COL23A1: variants seen among roughly 807,000 people sequenced by gnomAD.
COL23A1 encodes collagen alpha-1(XXIII) chain.
A neutral mutation model predicts 99.3 loss-of-function variants in COL23A1; 97 were observed. The observed-to-expected ratio is 0.98, with a 90% CI of 0.83 to 1.16. The LOEUF (loss-of-function observed/expected upper bound fraction) is 1.16. Among genes scored for constraint, COL23A1 ranks in the 50% most tolerant of loss-of-function variants. COL23A1 has a pLI of 0.00. For synonymous variants in COL23A1, 320 were observed against 308.2 expected, an observed-to-expected ratio of 1.04 and a Z score of -0.40; for missense variants, 762 against 757.4, an observed-to-expected ratio of 1.01 and a Z score of -0.07.
rs189911004 is a variant in COL23A1 at position 178,404,887 on chromosome 5, A to G, written c.362-97968T>C. On this transcript the variant is annotated intron_variant, in intron 2 of 28. Transcript: ENST00000390654. ...AGGAAGACAAACCTAGGACCAGCAC[A>G]CCAGGACAAGAATGAGCTCACTATG... 7.0e-3 allele frequency among the ~76,000 whole-genome samples: 1,060 copies of G among 152,304 alleles called. 7 individuals are homozygous for G. Among genetic ancestry groups the G allele is most frequent in the Non-Finnish European group, 0.011 (742 of 68,018 alleles).
rs1451059456 is a variant in COL23A1 at position 178,309,297 on chromosome 5, A to AG, written c.362-2379dup. On this transcript the variant is annotated intron_variant, in intron 2 of 28. Transcript: ENST00000390654. This position sits in a 1 kb window ranked among gnomAD's most constrained non-coding sequence, Gnocchi z 4.7. ...TGGCAGGGTGGGCAGCTGCCCAGGC[A>AG]GGGTAGGGTGCCTGCCTCCCAGGGT... 1.3e-5 allele frequency among the ~76,000 whole-genome samples: 2 copies of AG among 152,164 alleles called. No homozygotes were observed. Among genetic ancestry groups the AG allele is most frequent in the African/African-American group, 4.8e-5 (2 of 41,452 alleles).
chr5:178,244,826 T>C (rs890372264), intron 25 of COL23A1, among the ~76,000 whole-genome samples: 4 of 108,768 alleles, frequency 3.7e-5, no homozygotes, highest in Admixed American at 8.6e-5. Flanking sequence ...TCCCTTCCTC[T>C]TCTTCTCAAA....
chr5:178,491,594 G>A (rs1757937212), intron 2 of COL23A1, among the ~76,000 whole-genome samples: 1 of 152,094 alleles, frequency 6.6e-6, no homozygotes, highest in Non-Finnish European at 1.5e-5. Context: ...GTCATAACAG[G>A]GTGTGGCCTG....
In COL23A1 at chr5:178,381,386, A is replaced by G. The variant is rs1312722576; in HGVS notation, c.362-74467T>C. Among the ~76,000 whole-genome samples, 3 of 152,318 alleles carry G rather than the reference A, an allele frequency of 2.0e-5. 1 individual carries two copies. In the South Asian group the frequency reaches 6.2e-4, roughly 32 times the overall value. ...GGCCATGGGGATGGCGAGAAGGCTG[A>G]GAAGTGCCACTCAGAGCAGAAGGTG... On this transcript the variant is annotated intron_variant, in intron 2 of 28. Transcript: ENST00000390654.
chr5:178,387,125 G>A lies in COL23A1; in HGVS notation c.362-80206C>T, dbSNP rs1177267084. ...ACGGCAGCTTCTCATCACCCCGTCTGGAACCAACAACACCCTCTTTTCTCT... is the reference window on the plus strand; with the variant it reads ...ACGGCAGCTTCTCATCACCCCGTCTAGAACCAACAACACCCTCTTTTCTCT... On this transcript the variant is annotated intron_variant, in intron 2 of 28. Coordinates refer to ENST00000390654, the MANE Select transcript of COL23A1 (RefSeq NM_173465.4). This position sits in a 1 kb window ranked among gnomAD's most constrained non-coding sequence, Gnocchi z 4.7. Among the ~76,000 whole-genome samples the A allele has an allele frequency of 6.6e-6, 1 of 151,956 alleles. No individual in the cohort carries two copies. Among genetic ancestry groups the A allele is most frequent in the East Asian group, 1.9e-4 (1 of 5,176 alleles).
chr5:178,427,753 G>A (rs987332913), intron 2 of COL23A1, among the ~76,000 whole-genome samples: 1 of 152,346 alleles, frequency 6.6e-6, no homozygotes, highest in East Asian at 1.9e-4. Flanking sequence ...TTCTGGGAAA[G>A]GCAAAACTAT....
chr5:178,552,769 A>G (rs1300295473), intron 2 of COL23A1, among the ~76,000 whole-genome samples: 1 of 150,480 alleles, frequency 6.6e-6, no homozygotes, highest in Non-Finnish European at 1.5e-5. Context: ...GCTGGGGTGC[A>G]GTGGTGCGAT....
chr5:178,413,459 TATATC>T (rs1421981876), intron 2 of COL23A1, among the ~76,000 whole-genome samples: 1 of 152,248 alleles, frequency 6.6e-6, no homozygotes, highest in African/African-American at 2.4e-5. Context: ...AAACTTTTCT[TATATC>T]ATATGTTCAA....
intron 2 of COL23A1, among the ~76,000 whole-genome samples, chr5:178,367,351 T>C (rs1342175250): frequency 6.6e-6 from 1 of 151,594 alleles, no homozygotes; most frequent in Admixed American, 6.6e-5. Flanking sequence ...GTTTCTCCTC[T>C]GGAGCGGCAA....
chr5:178,590,094 G>A lies in COL23A1; in HGVS notation c.104C>T (p.Ala35Val), dbSNP rs958165780. The change falls in exon 1 of 29, where the codon GCG (alanine) becomes GTG (valine). Residue 35 changes from alanine to valine, a missense_variant. Transcript: ENST00000390654. The surrounding 1 kb of genome is among the most constrained non-coding windows in gnomAD (Gnocchi z 5.7). The part of the protein sequence containing the change: ...GRSATTAGSR[A>V]VSALCLLLSV... ...GAGCAGCAGGCACAGCGCGCTCACC[G>A]CCCGGGACCCGGCCGTCGTCGCCGA... 4 of 1,283,382 alleles carry A rather than the reference G, an allele frequency of 3.1e-6. No individual in the cohort carries two copies. Among genetic ancestry groups the A allele is most frequent in the Admixed American group, 3.4e-5 (1 of 29,406 alleles). 79.5% of individuals were successfully genotyped at this position (1,283,382 alleles called of 1,614,324 possible).
At chr5:178,560,614 G>C in intron 2 of COL23A1, 68 bp downstream of exon 2, 3 of 1,451,324 alleles carry the variant, frequency 2.1e-6, no homozygotes, top group Non-Finnish European at 2.9e-6. Context: ...GGACCATGCT[G>C]TTCTCAGCAA....
chr5:178,469,893 A>C (rs1330456089), intron 2 of COL23A1, among the ~76,000 whole-genome samples: 1 of 152,142 alleles, frequency 6.6e-6, no homozygotes, highest in Non-Finnish European at 1.5e-5. Flanking sequence ...AGCTTTCGTC[A>C]TGCTAACTGG....
At position 178,257,636 on chromosome 5, in the gene COL23A1, G is replaced by A; in HGVS notation, c.730-69C>T. 10 of 1,471,654 alleles carry A rather than the reference G, an allele frequency of 6.8e-6. No individual in the cohort carries two copies. In the South Asian group the frequency reaches 1.1e-4, roughly 16 times the overall value. The allele number at this position is 1,471,654 out of a possible 1,614,324, so 91.2% of individuals were successfully genotyped here. A position where few individuals can be genotyped will look rare whatever the true frequency, so the allele number is the denominator to read the frequency against. ...GGCCAGTGGGCCCCTCCCTCCTCTG[G>A]ACTTCCCAGCACACCAGTCTGCTCC... On this transcript the variant is annotated intron_variant, in intron 12 of 28. Transcript: ENST00000390654.
chr5:178,268,672 A>G (rs1165319786), intron 7 of COL23A1, 58 bp downstream of exon 7: 92 of 1,569,016 alleles, frequency 5.9e-5, no homozygotes, highest in Non-Finnish European at 8.0e-5. Context: ...GTTCGGAGGC[A>G]GGTTTCTGGG....
chr5:178,371,499 C>A (rs556752824), intron 2 of COL23A1, among the ~76,000 whole-genome samples: 1 of 152,316 alleles, frequency 6.6e-6, no homozygotes, highest in South Asian at 2.1e-4. Flanking sequence ...GTCGCCCCTA[C>A]ACCTTGGCTG....
chr5:178,326,974 T>A (rs994228348), intron 2 of COL23A1, among the ~76,000 whole-genome samples: 3 of 152,214 alleles, frequency 2.0e-5, no homozygotes, highest in Non-Finnish European at 2.9e-5. Flanking sequence ...CACCTTGGCC[T>A]CCCAAAGTGC....
intron 2 of COL23A1, among the ~76,000 whole-genome samples, chr5:178,398,314 A>C (rs1443896891): frequency 6.6e-6 from 1 of 152,200 alleles, no homozygotes; most frequent in Non-Finnish European, 1.5e-5. Flanking sequence ...AAGAGAAAAA[A>C]TTATTCTTTT....
At chr5:178,499,394 C>T (rs1442857042) in intron 2 of COL23A1, among the ~76,000 whole-genome samples, 2 of 152,210 alleles carry the variant, frequency 1.3e-5, no homozygotes, top group South Asian at 2.1e-4. Flanking sequence ...AGCGATGTCA[C>T]GCTGATCTTA....
At chr5:178,450,106 C>T (rs1278512536) in intron 2 of COL23A1, among the ~76,000 whole-genome samples, 3 of 152,164 alleles carry the variant, frequency 2.0e-5, no homozygotes, top group African/African-American at 7.2e-5. Flanking sequence ...ATTACATACC[C>T]TCACGGCCCT....
Sources: gnomAD v4.1 joint callset for allele counts (sites outside exome capture counted in the v4.1 genomes callset) on GRCh38, gnomAD v4.1.1 for gene constraint, Gnocchi (gnomAD v3.1) non-coding constraint, MANE v1.5 for transcripts, NCBI Gene and HGNC (gene_info 2026-07-23, HGNC 2026-07-21) for gene names.